LRRC37A3: variants seen among roughly 807,000 people sequenced by gnomAD.
LRRC37A3 encodes leucine-rich repeat-containing protein 37A3.
LRRC37A3 carries 25 observed loss-of-function variants against 106.2 expected under a neutral mutation model. The observed-to-expected ratio is 0.24, with a 90% CI of 0.17 to 0.33. The LOEUF is 0.33. Ranked by LOEUF, LRRC37A3 falls within the 10% of genes least tolerant of loss-of-function variation. The pLI is 1.00. For synonymous variants in LRRC37A3, 305 were observed against 635.8 expected (o/e 0.48, Z 7.83); for missense variants, 712 against 1,644.9 (o/e 0.43, Z 9.81).
intron 1 of LRRC37A3, among the ~76,000 whole-genome samples, 189 bp from the exon 2 acceptor site, chr17:64,919,059 C>T (rs901041933): frequency 1.3e-4 from 19 of 151,992 alleles, no homozygotes; most frequent in African/African-American, 3.1e-4. Context: ...TGCTGCCCCC[C>T]CTGGGCGAGC....
At chr17:64,904,392 T>C (rs1249190871) in intron 2 of LRRC37A3, among the ~76,000 whole-genome samples, 1 of 152,294 alleles carries the variant, frequency 6.6e-6, no homozygotes. Flanking sequence ...GGAGGATCCC[T>C]TGAGCCCAGC....
chr17:64,854,767 G>C (rs570465917), intron 14 of LRRC37A3, 123 bp from the exon 15 acceptor site: 1 of 1,611,814 alleles, frequency 6.2e-7, no homozygotes, highest in South Asian at 1.1e-5. Context: ...TCCCTGTTGA[G>C]GATCTTGTCC....
intron 8 of LRRC37A3, among the ~76,000 whole-genome samples, chr17:64,882,692 G>C (rs1273057307): frequency 6.6e-6 from 1 of 150,940 alleles, no homozygotes; most frequent in Non-Finnish European, 1.5e-5. Flanking sequence ...TGTGACCGAA[G>C]CTCAATTTGC....
At position 64,916,628 on chromosome 17, in the gene LRRC37A3, A is replaced by C. The variant is rs1377462363; in HGVS notation, c.-496+2122T>G. 5.3e-5 allele frequency among the ~76,000 whole-genome samples: 8 copies of C among 150,304 alleles called. No homozygotes were observed. In the South Asian group the frequency reaches 6.3e-4, roughly 12 times the overall value. On this transcript the variant is annotated intron_variant, in intron 2 of 14. Coordinates refer to ENST00000584306, the MANE Select transcript of LRRC37A3 (RefSeq NM_199340.5). ...CCATCTCTATTAAAAAAAAAAAAAA[A>C]AAAAAACTAGCCAGGTGTGGTGGTG...
chr17:64,879,581 A>G (rs1352426227), intron 8 of LRRC37A3, among the ~76,000 whole-genome samples: 1 of 152,048 alleles, frequency 6.6e-6, no homozygotes, highest in African/African-American at 2.4e-5. Context: ...ATTCAATAAG[A>G]TGATGTTACA....
In LRRC37A3 at chr17:64,854,514, C is replaced by T. The variant is rs1567759125; in HGVS notation, c.*85G>A. On this transcript the variant is annotated 3_prime_UTR_variant, in exon 15 of 15. Transcript: ENST00000584306. ...CCGCTGCCTCTGTGGATGTGTGGGC[C>T]GCTGGCTTCAGTCCTGCTTTTTTGA... 5.0e-6 allele frequency: 8 copies of T among 1,593,638 alleles called. No homozygotes were observed. Among genetic ancestry groups the T allele is most frequent in the South Asian group, 2.2e-5 (2 of 90,632 alleles).
intron 8 of LRRC37A3, among the ~76,000 whole-genome samples, chr17:64,869,622 G>A (rs1973240078): frequency 7.1e-6 from 1 of 141,604 alleles, no homozygotes; most frequent in East Asian, 2.1e-4. Context: ...TGCAACCTCC[G>A]CCTTCCAGGT....
At chr17:64,904,289 G>C (rs1974398656) in intron 2 of LRRC37A3, among the ~76,000 whole-genome samples, 1 of 152,286 alleles carries the variant, frequency 6.6e-6, no homozygotes. Context: ...AGACCAGGCA[G>C]GACAACACAG....
intron 13 of LRRC37A3, among the ~76,000 whole-genome samples, chr17:64,856,175 C>A (rs565735365): frequency 2.2e-4 from 34 of 152,046 alleles, no homozygotes; most frequent in Non-Finnish European, 4.0e-4. Context: ...ATAACCAACA[C>A]GCATCCCCCC....
chr17:64,874,365 G>A (rs1973427630), intron 8 of LRRC37A3, among the ~76,000 whole-genome samples: 4 of 149,770 alleles, frequency 2.7e-5, no homozygotes, highest in East Asian at 2.0e-4. Flanking sequence ...GAGCCCCTAC[G>A]CCCGGCAGCC....
At chr17:64,910,505 C>A (rs1974565278) in intron 2 of LRRC37A3, among the ~76,000 whole-genome samples, 1 of 152,206 alleles carries the variant, frequency 6.6e-6, no homozygotes, top group Non-Finnish European at 1.5e-5. Flanking sequence ...TAAAGTCATG[C>A]CAAGATTGAA....
chr17:64,912,758 AATG>A (rs1403867943), intron 2 of LRRC37A3, among the ~76,000 whole-genome samples: 1 of 148,016 alleles, frequency 6.8e-6, no homozygotes, highest in Non-Finnish European at 1.5e-5. Context: ...TTGAAAATAT[AATG>A]ATATGGCCAA....
intron 10 of LRRC37A3, among the ~76,000 whole-genome samples, chr17:64,867,718 T>C (rs1567767382): frequency 6.6e-6 from 1 of 151,884 alleles, no homozygotes; most frequent in Non-Finnish European, 1.5e-5. Context: ...CCTGCAGATA[T>C]GGAGGGCCAG....
chr17:64,913,061 C>T (rs1974625537), intron 2 of LRRC37A3, among the ~76,000 whole-genome samples: 1 of 149,220 alleles, frequency 6.7e-6, no homozygotes, highest in South Asian at 2.1e-4. Context: ...TGGAGTCTTG[C>T]TCTGTTACCC....
chr17:64,860,972 A>C lies in LRRC37A3; in HGVS notation c.3174T>G (p.Pro1058=), dbSNP rs146128634. 12 of 1,613,798 alleles carry C rather than the reference A, an allele frequency of 7.4e-6. No individual in the cohort carries two copies. Among genetic ancestry groups the C allele is most frequent in the Admixed American group, 1.7e-5 (1 of 59,998 alleles). Reference sequence around the variant, plus strand: ...CTGGATTCCCTACAGATGCTTCTTCAGCTGTCAAAAAAGAAGAGACTGCTT... The same window carrying C: ...CTGGATTCCCTACAGATGCTTCTTCCGCTGTCAAAAAAGAAGAGACTGCTT... ...SACLTNTTHC[P]EEASVGNPEG... Residue 1058 remains proline, a splice_region_variant and synonymous_variant, in exon 12 of 15, where the codon CCT becomes CCG. Transcript: ENST00000584306.
At chr17:64,919,324 G>A in intron 1 of LRRC37A3, 107 bp downstream of exon 1, 2 of 469,972 alleles carry the variant, frequency 4.3e-6, no homozygotes, top group African/African-American at 4.1e-5. Context: ...GGGCGCAGTG[G>A]GGGCGGCCGG....
At chr17:64,904,591 GT>G (rs1174233414) in intron 2 of LRRC37A3, among the ~76,000 whole-genome samples, 3 of 141,436 alleles carry the variant, frequency 2.1e-5, no homozygotes, top group Non-Finnish European at 3.0e-5. Flanking sequence ...CGCGTTCAGG[GT>G]GGTATGGCTG....
At chr17:64,873,337 T>A (rs1011002079) in intron 8 of LRRC37A3, among the ~76,000 whole-genome samples, 2 of 151,358 alleles carry the variant, frequency 1.3e-5, no homozygotes, top group African/African-American at 4.9e-5. Context: ...GATTTTTTTA[T>A]TTTTTATAGG....
At chr17:64,911,093 C>T (rs1211454774) in intron 2 of LRRC37A3, among the ~76,000 whole-genome samples, 3 of 152,178 alleles carry the variant, frequency 2.0e-5, no homozygotes, top group South Asian at 2.1e-4. Context: ...TATCTACATA[C>T]ACTGAAAGTC....
Sources: allele counts gnomAD v4.1 joint callset (sites outside exome capture counted in the v4.1 genomes callset), GRCh38; gene constraint gnomAD v4.1.1; transcripts MANE v1.5; gene names NCBI Gene and HGNC (gene_info 2026-07-23, HGNC 2026-07-21).